METTL4: variants seen among roughly 807,000 people sequenced by gnomAD.
METTL4 encodes the protein N(6)-adenine-specific methyltransferase METTL4.
Under a neutral mutation model 54.0 loss-of-function variants are expected in METTL4, and 40 were observed. That is an observed-to-expected ratio of 0.74 (90% CI 0.58 to 0.96). METTL4 has a LOEUF of 0.96. Among genes scored for constraint, METTL4 ranks in the 50% least tolerant of loss-of-function variants. The pLI, the probability that METTL4 is intolerant of heterozygous loss-of-function variation, is 0.00. For synonymous variants in METTL4, 169 were observed against 183.8 expected (o/e 0.92, Z 0.65); for missense variants, 525 against 549.0 (o/e 0.96, Z 0.44).
Position 2,542,108 on chromosome 18 carries a change from A to G in METTL4, c.1273+2087T>C, listed in dbSNP as rs78068687. ...CTAACTTTTGTCTTTAAATGTTTTC[A>G]ATGCTAAAAATGTGTTTGTGCTGCT... On this transcript the variant is annotated intron_variant, in intron 8 of 8. Transcript: ENST00000574538. Among the ~76,000 whole-genome samples, 714 of 152,280 alleles carry G rather than the reference A, an allele frequency of 4.7e-3. 18 individuals carry two copies. The East Asian group carries it at 0.082, about 17-fold the overall frequency.
At chr18:2,551,446 T>C (rs1325499758) in intron 5 of METTL4, among the ~76,000 whole-genome samples, 1 of 152,044 alleles carries the variant, frequency 6.6e-6, no homozygotes, top group South Asian at 2.1e-4. Flanking sequence ...CTCACACTTG[T>C]AATCTCAGCA....
rs961402245 is a variant in METTL4, at chr18:2,552,744, T to C, written c.850A>G (p.Ile284Val). Residue 284 changes from isoleucine to valine, a missense_variant, in exon 5 of 9, where the codon ATT becomes GTT. Coordinates refer to ENST00000574538, the MANE Select transcript of METTL4 (RefSeq NM_022840.5). ...TTCTGCCATGGTGGATCTATCACAA[T>C]TACATCAAATGTTTTCCTATCTGAA... ...LLNYRKTFDV[I>V]VIDPPWQNKS... 1.3e-5 allele frequency: 21 copies of C among 1,610,298 alleles called. No individual in the cohort carries two copies. The highest frequency in any genetic ancestry group is 1.7e-5 in the Admixed American group (1 of 59,836).
chr18:2,551,182 A>G (rs969280384), intron 5 of METTL4, among the ~76,000 whole-genome samples: 1 of 151,384 alleles, frequency 6.6e-6, no homozygotes, highest in Non-Finnish European at 1.5e-5. Context: ...AAAAAAAAAA[A>G]AAAGAATATT....
At position 2,565,961 on chromosome 18, in the gene METTL4, G is replaced by A. The variant is rs867638996; in HGVS notation, c.396+860C>T. 5.3e-5 allele frequency among the ~76,000 whole-genome samples: 8 copies of A among 151,638 alleles called. No homozygotes were observed. In the South Asian group the frequency reaches 8.3e-4, roughly 16 times the overall value. ...GCTCGGGAGGCTGAGGCAGGAGAATGGCGTGAACCCGGGAGGCGGAGCTTG... is the reference window on the plus strand; with the variant it reads ...GCTCGGGAGGCTGAGGCAGGAGAATAGCGTGAACCCGGGAGGCGGAGCTTG... On this transcript the variant is annotated intron_variant, in intron 2 of 8. Transcript: ENST00000574538.
chr18:2,552,974 T>TGCAATTGCA (rs1457633718), intron 4 of METTL4: 1 of 490,050 alleles, frequency 2.0e-6, no homozygotes, highest in African/African-American at 2.0e-5. Flanking sequence ...ATCATAATGT[T>TGCAATTGCA]ACCTATTGCA....
chr18:2,543,025 GA>G, intron 8 of METTL4, among the ~76,000 whole-genome samples: 1 of 150,890 alleles, frequency 6.6e-6, no homozygotes, highest in East Asian at 1.9e-4. Flanking sequence ...TCAGGAGGCT[GA>G]GGCAGGAGAA....
At chr18:2,549,877 C>T (rs2072128220) in intron 5 of METTL4, among the ~76,000 whole-genome samples, 1 of 150,142 alleles carries the variant, frequency 6.7e-6, no homozygotes, top group African/African-American at 2.5e-5. Context: ...ACCTGTAATC[C>T]CAGCTACTCA....
At chr18:2,565,280 A>G (rs1983347) in intron 2 of METTL4, among the ~76,000 whole-genome samples, 68,038 of 149,080 alleles carry the variant, frequency 0.46, 15,916 homozygotes, top group East Asian at 0.81. Context: ...CTCCGTCTCA[A>G]AAAAAAAAAG....
Position 2,556,228 on chromosome 18 carries a change from A to G in METTL4, c.460-1190T>C, listed in dbSNP as rs374081135. 1.2e-3 allele frequency among the ~76,000 whole-genome samples: 187 copies of G among 152,310 alleles called. 1 individual carries two copies. The highest frequency in any genetic ancestry group is 4.2e-3 in the African/African-American group (176 of 41,582). On this transcript the variant is annotated intron_variant, in intron 3 of 8. Coordinates refer to ENST00000574538, the MANE Select transcript of METTL4 (RefSeq NM_022840.5). Reference sequence around the variant, plus strand: ...GGCTGAGAATAGTTAGTGCTCCCCAATGCCAAAATGGAAAACCTCATAACT... The same window carrying G: ...GGCTGAGAATAGTTAGTGCTCCCCAGTGCCAAAATGGAAAACCTCATAACT...
At chr18:2,548,963 A>AGTTTATACTTTTT (rs2143504717) in intron 5 of METTL4, among the ~76,000 whole-genome samples, 1 of 152,352 alleles carries the variant, frequency 6.6e-6, no homozygotes, top group South Asian at 2.1e-4. Flanking sequence ...TATAAAATCC[A>AGTTTATACTTTTT]TTATCAGGAT....
chr18:2,562,444 G>C (rs1423595826), intron 3 of METTL4, among the ~76,000 whole-genome samples: 1 of 5,750 alleles, frequency 1.7e-4, no homozygotes, highest in African/African-American at 1.9e-4. Flanking sequence ...CCTAAAAAAA[G>C]CAGGGACTCA....
In METTL4 at chr18:2,557,603, C is replaced by T. The variant is rs140290235; in HGVS notation, c.460-2565G>A. ...AAAGGTCAGACAGGTTTGTTTGCAA[C>T]CCACTTAAAAGATGAGAGTTCCCTA... is the stretch of plus-strand genomic sequence containing the variant. On this transcript the variant is annotated intron_variant, in intron 3 of 8. Transcript: ENST00000574538. 3.9e-3 allele frequency among the ~76,000 whole-genome samples: 594 copies of T among 152,316 alleles called. 2 individuals carry two copies. Among genetic ancestry groups the T allele is most frequent in the African/African-American group, 0.014 (577 of 41,564 alleles).
chr18:2,565,813 G>C (rs937737554), intron 2 of METTL4, among the ~76,000 whole-genome samples: 3 of 152,030 alleles, frequency 2.0e-5, no homozygotes, highest in Non-Finnish European at 4.4e-5. Flanking sequence ...GGCTCAAGCC[G>C]AGGTGGGCAG....
At chr18:2,541,727 GAAAT>G (rs1462080317) in intron 8 of METTL4, among the ~76,000 whole-genome samples, 2 of 120,402 alleles carry the variant, frequency 1.7e-5, no homozygotes, top group African/African-American at 6.2e-5. Flanking sequence ...TTTTGCAACA[GAAAT>G]AACCAATTAA....
intron 6 of METTL4, among the ~76,000 whole-genome samples, chr18:2,545,150 G>A (rs575904902): frequency 8.0e-4 from 121 of 151,998 alleles, no homozygotes; most frequent in African/African-American, 2.8e-3. Flanking sequence ...ATGTGTTAGT[G>A]GCTACCATAT....
intron 3 of METTL4, among the ~76,000 whole-genome samples, chr18:2,557,893 C>T (rs1008932054): frequency 6.6e-6 from 1 of 152,172 alleles, no homozygotes; most frequent in Non-Finnish European, 1.5e-5. Flanking sequence ...TCAGACACTT[C>T]ACAGTTCTTG....
intron 2 of METTL4, among the ~76,000 whole-genome samples, chr18:2,565,494 G>C (rs78300718): frequency 0.06 from 9,104 of 151,796 alleles, 431 homozygotes; most frequent in African/African-American, 0.13. Context: ...ATGTACCTGT[G>C]AACTTAAAAA....
intron 1 of METTL4, among the ~76,000 whole-genome samples, chr18:2,569,744 T>G (rs927815159): frequency 6.6e-6 from 1 of 152,164 alleles, no homozygotes; most frequent in Non-Finnish European, 1.5e-5. Context: ...TTTCCCCATA[T>G]CTTCTCTTCC....
In METTL4 at chr18:2,567,462, G is replaced by C. The variant is rs1261861239; in HGVS notation, c.-246C>G. ...TATAAACTTTCTTTTTAATTTCAGAGTTGATAATTCAACATTTTCAGCCAA... is the reference window on the plus strand; with the variant it reads ...TATAAACTTTCTTTTTAATTTCAGACTTGATAATTCAACATTTTCAGCCAA... On this transcript the variant is annotated 5_prime_UTR_variant, in exon 2 of 9. Transcript: ENST00000574538. 3.4e-6 allele frequency: 1 copy of C among 298,462 alleles called. No individual in the cohort carries two copies. Among genetic ancestry groups the C allele is most frequent in the East Asian group, 6.2e-5 (1 of 16,116 alleles). The allele number at this position is 298,462 out of a possible 1,614,324, so 18.5% of individuals were successfully genotyped here.
Sources: gnomAD v4.1 joint callset for allele counts (sites outside exome capture counted in the v4.1 genomes callset) on GRCh38, gnomAD v4.1.1 for gene constraint, MANE v1.5 for transcripts, NCBI Gene and HGNC (gene_info 2026-07-23, HGNC 2026-07-21) for gene names.